The following STAM variants were observed in gnomAD, a reference collection of about 807,000 sequenced individuals.
The protein encoded by STAM is signal transducing adapter molecule 1.
STAM carries 16 observed loss-of-function variants against 63.4 expected under a neutral mutation model. That is an observed-to-expected ratio of 0.25 (90% CI 0.17 to 0.38). The LOEUF (loss-of-function observed/expected upper bound fraction) is 0.38. Ranked by LOEUF, STAM falls within the 10% of genes least tolerant of loss-of-function variation. The pLI, the probability that STAM is intolerant of heterozygous loss-of-function variation, is 1.00. For missense variants in STAM, 636 were observed against 657.1 expected (o/e 0.97, Z 0.35); for synonymous variants, 238 against 223.9 (o/e 1.06, Z -0.56).
chr10:17,707,111 A>ATAAC (rs1554829364), intron 12 of STAM, among the ~76,000 whole-genome samples: 1 of 152,106 alleles, frequency 6.6e-6, no homozygotes, highest in African/African-American at 2.4e-5. Context: ...GTTATAGGGA[A>ATAAC]TAACTAGCCA....
chr10:17,645,317 A>G (rs1357988126), intron 1 of STAM, among the ~76,000 whole-genome samples: 1 of 152,122 alleles, frequency 6.6e-6, no homozygotes, highest in African/African-American at 2.4e-5. Context: ...AATAAGGACA[A>G]CCTTATGAAT....
intron 9 of STAM, among the ~76,000 whole-genome samples, chr10:17,701,543 A>G (rs563881370): frequency 4.4e-4 from 67 of 152,350 alleles, no homozygotes; most frequent in African/African-American, 1.6e-3. Context: ...AGTAGTAGCA[A>G]CAGAGATCAT....
chr10:17,691,858 T>C (rs1835550530), intron 5 of STAM, among the ~76,000 whole-genome samples: 1 of 152,246 alleles, frequency 6.6e-6, no homozygotes, highest in African/African-American at 2.4e-5. Flanking sequence ...TATACATTCA[T>C]AACTTTTCAT....
In STAM at chr10:17,708,794, C is replaced by T. The variant is rs1554829674; in HGVS notation, c.1228C>T (p.Pro410Ser). 1.2e-6 allele frequency: 2 copies of T among 1,613,680 alleles called. No homozygotes were observed. Among genetic ancestry groups the T allele is most frequent in the South Asian group, 2.2e-5 (2 of 91,044 alleles). Residue 410 changes from proline (P) to serine (S), a missense_variant, in exon 13 of 14, where the codon CCA becomes TCA. Transcript: ENST00000377524. ...SGSQVYAGPP[P>S]SGAYLVAGNA... Reference sequence around the variant, plus strand: ...ATCGCAGGTGTATGCAGGGCCTCCTCCAAGTGGTGCCTACCTGGTTGCAGG... The same window carrying T: ...ATCGCAGGTGTATGCAGGGCCTCCTTCAAGTGGTGCCTACCTGGTTGCAGG...
intron 1 of STAM, among the ~76,000 whole-genome samples, chr10:17,654,055 G>C (rs147755098): frequency 6.7e-4 from 102 of 152,260 alleles, no homozygotes; most frequent in Middle Eastern, 3.4e-3. Context: ...TTGAAGTGAA[G>C]GGAGTCTTAT....
chr10:17,675,466 T>C (rs1240697754), intron 2 of STAM, among the ~76,000 whole-genome samples: 1 of 149,226 alleles, frequency 6.7e-6, no homozygotes, highest in Non-Finnish European at 1.5e-5. Context: ...ATCGCACCAC[T>C]GCATTCCAGG....
rs1589127421 is a variant in STAM, at chr10:17,716,710, T to TA, written c.*1934dup. Among the ~76,000 whole-genome samples, 1 of 152,188 alleles carries TA rather than the reference T, an allele frequency of 6.6e-6. No individual in the cohort carries two copies. The highest frequency in any genetic ancestry group is 6.5e-5 in the Admixed American group (1 of 15,270). The stretch of plus-strand genomic sequence containing the variant: ...AGTCTCTACTATGATTTTTGCCCTA[T>TA]AAAAGTCAAGTAACAGTGAATAGAA... On this transcript the variant is annotated 3_prime_UTR_variant, in exon 14 of 14. Coordinates refer to ENST00000377524, the MANE Select transcript of STAM (RefSeq NM_003473.4).
At chr10:17,707,267 T>G (rs1836328861) in intron 12 of STAM, among the ~76,000 whole-genome samples, 2 of 151,992 alleles carry the variant, frequency 1.3e-5, no homozygotes, top group East Asian at 1.9e-4. Flanking sequence ...AAATTTAGCC[T>G]GGCGTGGTGG....
chr10:17,669,014 T>C (rs1203002165), intron 2 of STAM, among the ~76,000 whole-genome samples: 1 of 152,246 alleles, frequency 6.6e-6, no homozygotes, highest in Admixed American at 6.5e-5. Context: ...AGACTGTTTA[T>C]CTTTGTTAGA....
chr10:17,708,104 A>G (rs1836380939), intron 12 of STAM, among the ~76,000 whole-genome samples: 1 of 151,950 alleles, frequency 6.6e-6, no homozygotes, highest in South Asian at 2.1e-4. Context: ...GTTAGCCAGG[A>G]TGGTCTCGAT....
At chr10:17,681,452 T>C (rs182791470) in intron 2 of STAM, among the ~76,000 whole-genome samples, 13 of 152,246 alleles carry the variant, frequency 8.5e-5, no homozygotes, top group Non-Finnish European at 1.5e-4. Flanking sequence ...TTTCTATGAT[T>C]TTTTATCTTT....
intron 2 of STAM, among the ~76,000 whole-genome samples, chr10:17,672,734 C>T (rs1212608909): frequency 6.6e-6 from 1 of 152,118 alleles, no homozygotes; most frequent in Non-Finnish European, 1.5e-5. Context: ...ATAGTTAAAT[C>T]CCTAATCAAA....
chr10:17,644,443 T>C lies in STAM; in HGVS notation c.40+64T>C. 3 of 1,600,788 alleles carry C rather than the reference T, an allele frequency of 1.9e-6. No individual in the cohort carries two copies. The South Asian group carries it at 3.3e-5, about 18-fold the overall frequency. ...ACTGCACGCTCACTCTGCCAGCCCC[T>C]GCCTGCATTCAGGACCCTCGGGCCA... is the stretch of plus-strand genomic sequence containing the variant. On this transcript the variant is annotated intron_variant, in intron 1 of 13. Coordinates refer to ENST00000377524, the MANE Select transcript of STAM (RefSeq NM_003473.4).
intron 1 of STAM, among the ~76,000 whole-genome samples, chr10:17,658,222 G>A (rs1240702240): frequency 1.3e-5 from 2 of 151,836 alleles, no homozygotes; most frequent in African/African-American, 2.4e-5. Context: ...TTGTTTAAAA[G>A]TGTGTTAGTC....
intron 2 of STAM, among the ~76,000 whole-genome samples, chr10:17,664,136 A>C (rs957548065): frequency 6.6e-6 from 1 of 152,132 alleles, no homozygotes; most frequent in African/African-American, 2.4e-5. Flanking sequence ...CCCTGTGCCT[A>C]CATGCATAAG....
At chr10:17,659,377 T>C (rs1834070506) in intron 1 of STAM, among the ~76,000 whole-genome samples, 1 of 151,848 alleles carries the variant, frequency 6.6e-6, no homozygotes, top group Non-Finnish European at 1.5e-5. Flanking sequence ...GAATAAACTA[T>C]TTTTTGTTAG....
intron 4 of STAM, among the ~76,000 whole-genome samples, chr10:17,687,174 A>G (rs938890459): frequency 4.6e-5 from 7 of 152,148 alleles, no homozygotes; most frequent in Admixed American, 4.6e-4. Flanking sequence ...CATCAACCAT[A>G]AAGAGTTATG....
rs530223350 is a variant in STAM, at chr10:17,715,770, G to A, written c.*990G>A. On this transcript the variant is annotated 3_prime_UTR_variant, in exon 14 of 14. Coordinates refer to ENST00000377524, the MANE Select transcript of STAM (RefSeq NM_003473.4). ...AAAACCTGAATTACACTACATTTTC[G>A]AAGTCTCTTGTAATTATTTGGGATA... The A allele has an allele frequency of 5.2e-5, 8 of 152,664 alleles. No individual in the cohort carries two copies. Among genetic ancestry groups the A allele is most frequent in the African/African-American group, 1.7e-4 (7 of 41,542 alleles). The allele number at this position is 152,664 out of a possible 1,614,324, so 9.5% of individuals were successfully genotyped here.
chr10:17,682,296 A>G (rs1554825478), intron 2 of STAM, among the ~76,000 whole-genome samples: 1 of 152,166 alleles, frequency 6.6e-6, no homozygotes, highest in Non-Finnish European at 1.5e-5. Flanking sequence ...AAATTTTTGT[A>G]TGTATCAATA....
Sources: allele counts gnomAD v4.1 joint callset (sites outside exome capture counted in the v4.1 genomes callset), GRCh38; gene constraint gnomAD v4.1.1; transcripts MANE v1.5; gene names NCBI Gene and HGNC (gene_info 2026-07-23, HGNC 2026-07-21).